The following JAGN1 variants were observed in gnomAD, a reference collection of about 807,000 sequenced individuals.
JAGN1 encodes the protein protein jagunal homolog 1.
A neutral mutation model predicts 17.1 loss-of-function variants in JAGN1; 13 were observed. The observed-to-expected ratio is 0.76, with a 90% CI of 0.49 to 1.21. JAGN1 has a LOEUF of 1.21. Ranked by LOEUF, JAGN1 falls within the 50% of genes most tolerant of loss-of-function variation. JAGN1 has a pLI of 0.00. For missense variants in JAGN1, 256 were observed against 234.2 expected, an observed-to-expected ratio of 1.09 and a Z score of -0.61; for synonymous variants, 111 against 91.0, an observed-to-expected ratio of 1.22 and a Z score of -1.25.
intron 1 of JAGN1, among the ~76,000 whole-genome samples, chr3:9,891,746 T>A (rs1174025885): frequency 6.6e-6 from 1 of 152,162 alleles, no homozygotes; most frequent in Non-Finnish European, 1.5e-5. Context: ...CCCTCACAAC[T>A]TAAGCAGGTG....
intron 1 of JAGN1, 83 bp downstream of exon 1, chr3:9,890,894 A>C: frequency 4.9e-6 from 6 of 1,230,146 alleles, no homozygotes; most frequent in Non-Finnish European, 5.7e-6. Flanking sequence ...GCCCGGCCTC[A>C]GGGTCTTGCT....
intron 1 of JAGN1, 109 bp downstream of exon 1, chr3:9,890,920 G>T: frequency 1.1e-6 from 1 of 938,894 alleles, no homozygotes. Context: ...GCCAGCCCCC[G>T]CTCACCTGCC....
intron 1 of JAGN1, among the ~76,000 whole-genome samples, chr3:9,892,458 A>AGCCACCTT (rs71052273): frequency 1.3e-5 from 2 of 151,046 alleles, no homozygotes; most frequent in African/African-American, 4.9e-5. Context: ...TAGAGTTGTG[A>AGCCACCTT]GCCCAGCCTC....
intron 1 of JAGN1, among the ~76,000 whole-genome samples, chr3:9,891,660 C>G (rs900492929): frequency 2.0e-5 from 3 of 152,116 alleles, no homozygotes; most frequent in Admixed American, 6.6e-5. Context: ...TCACATCTCT[C>G]TCTCCAGAGT....
chr3:9,890,667 G>C lies in JAGN1; in HGVS notation c.-56G>C. On this transcript the variant is annotated 5_prime_UTR_variant, in exon 1 of 2. Transcript: ENST00000647897. ...AAATAGGGTCAGTGGGCCGCTTGGC[G>C]GTGTCGTTGCGGTACCAGGTCCGCG... 6.6e-7 allele frequency: 1 copy of C among 1,518,096 alleles called. No homozygotes were observed. Among genetic ancestry groups the C allele is most frequent in the Non-Finnish European group, 9.0e-7 (1 of 1,114,722 alleles). The allele number at this position is 1,518,096 out of a possible 1,614,324, so 94.0% of individuals were successfully genotyped here. A position where few individuals can be genotyped will look rare whatever the true frequency, so the allele number is the denominator to read the frequency against.
chr3:9,892,898 T>C lies in JAGN1; in HGVS notation c.90-17T>C, dbSNP rs537497964. 1.3e-6 allele frequency: 2 copies of C among 1,562,414 alleles called. 1 individual carries two copies. The highest frequency in any genetic ancestry group is 3.4e-5 in the Admixed American group (2 of 59,034). On this transcript the variant is annotated splice_polypyrimidine_tract_variant and intron_variant, in intron 1 of 1. Transcript: ENST00000647897. ...GAAAAATTTGAAAGATACTTCTCCCTCTGCTCTGCCCCACAGTGTGACTCT... is the reference window on the plus strand; with the variant it reads ...GAAAAATTTGAAAGATACTTCTCCCCCTGCTCTGCCCCACAGTGTGACTCT...
In JAGN1 at chr3:9,893,410, C is replaced by T. The variant is rs79555969; in HGVS notation, c.*33C>T. ...TTGGGGTGAAGCCTGGACATCCCATCGAATGAAAGGACACTAGTACAGCGG... is the reference window on the plus strand; with the variant it reads ...TTGGGGTGAAGCCTGGACATCCCATTGAATGAAAGGACACTAGTACAGCGG... On this transcript the variant is annotated 3_prime_UTR_variant, in exon 2 of 2. Coordinates refer to ENST00000647897, the MANE Select transcript of JAGN1 (RefSeq NM_032492.4). The T allele has an allele frequency of 0.031, 46,225 of 1,500,118 alleles. 790 individuals carry two copies. The highest frequency in any genetic ancestry group is 0.035 in the Non-Finnish European group (38,587 of 1,105,150). The allele number at this position is 1,500,118 out of a possible 1,614,324, so 92.9% of individuals were successfully genotyped here. A position where few individuals can be genotyped will look rare whatever the true frequency, so the allele number is the denominator to read the frequency against.
intron 1 of JAGN1, among the ~76,000 whole-genome samples, chr3:9,891,932 C>T (rs972834073): frequency 2.6e-5 from 4 of 152,192 alleles, no homozygotes; most frequent in African/African-American, 7.2e-5. Context: ...CCTTCTCCCG[C>T]CAGACTTTAA....
chr3:9,891,545 G>GT (rs201714103), intron 1 of JAGN1, among the ~76,000 whole-genome samples: 2,376 of 146,874 alleles, frequency 0.016, 37 homozygotes, highest in South Asian at 0.063. Flanking sequence ...AGAGATGACT[G>GT]TTTTTTTTTT....
At position 9,890,630 on chromosome 3, in the gene JAGN1, C is replaced by T; in HGVS notation, c.-93C>T. 2 of 1,205,042 alleles carry T rather than the reference C, an allele frequency of 1.7e-6. No individual in the cohort carries two copies. The highest frequency in any genetic ancestry group is 1.2e-6 in the Non-Finnish European group (1 of 854,922). 74.6% of individuals were successfully genotyped at this position (1,205,042 alleles called of 1,614,324 possible). A position where few individuals can be genotyped will look rare whatever the true frequency, so the allele number is the denominator to read the frequency against. ...AAGTTCTCTTCACGGAGCCGCGCGG[C>T]TGCGGGGGCGCAAATAGGGTCAGTG... On this transcript the variant is annotated 5_prime_UTR_variant, in exon 1 of 2. Coordinates refer to ENST00000647897, the MANE Select transcript of JAGN1 (RefSeq NM_032492.4).
chr3:9,893,199 C>T lies in JAGN1; in HGVS notation c.374C>T (p.Ala125Val). ...TATGGCAGCATGGAGATGTTCCCTG[C>T]TGCACAGCAGCTCTACCGCCATGGC... ...LIYGSMEMFP[A>V]AQQLYRHGKA... Residue 125 changes from alanine to valine, a missense_variant, in exon 2 of 2, where the codon GCT becomes GTT. By Grantham distance (64) the Ala-to-Val change is moderately conservative. Transcript: ENST00000647897. The T allele has an allele frequency of 6.2e-7, 1 of 1,614,226 alleles. No individual in the cohort carries two copies. The highest frequency in any genetic ancestry group is 8.5e-7 in the Non-Finnish European group (1 of 1,180,034).
chr3:9,892,792 T>C, intron 1 of JAGN1, 123 bp from the exon 2 acceptor site: 1 of 641,384 alleles, frequency 1.6e-6, no homozygotes, highest in Non-Finnish European at 2.7e-6. Flanking sequence ...CCTCTGTTCT[T>C]TGTGTCCGGC....
Position 9,890,622 on chromosome 3 carries a change from C to G in JAGN1, c.-101C>G, listed in dbSNP as rs1205613535. ...GGGGCCGGAAGTTCTCTTCACGGAGCCGCGCGGCTGCGGGGGCGCAAATAG... is the reference window on the plus strand; with the variant it reads ...GGGGCCGGAAGTTCTCTTCACGGAGGCGCGCGGCTGCGGGGGCGCAAATAG... On this transcript the variant is annotated 5_prime_UTR_variant, in exon 1 of 2. Transcript: ENST00000647897. The G allele has an allele frequency of 1.8e-6, 2 of 1,109,968 alleles. No homozygotes were observed. Among genetic ancestry groups the G allele is most frequent in the African/African-American group, 1.6e-5 (1 of 63,228 alleles). 68.8% of individuals were successfully genotyped at this position (1,109,968 alleles called of 1,614,324 possible).
intron 1 of JAGN1, among the ~76,000 whole-genome samples, chr3:9,892,344 G>GTT (rs1014442597): frequency 7.4e-5 from 11 of 147,918 alleles, no homozygotes; most frequent in African/African-American, 2.0e-4. Context: ...TATTGTTGTT[G>GTT]TTTTTTTTTT....
chr3:9,893,306 T>A lies in JAGN1; in HGVS notation c.481T>A (p.Trp161Arg), dbSNP rs2082575691. The change falls in exon 2 of 2, where the codon TGG becomes AGG. Residue 161 changes from tryptophan to arginine, a missense_variant. Coordinates refer to ENST00000647897, the MANE Select transcript of JAGN1 (RefSeq NM_032492.4). ...VLVLAVQVHAWQLYYSKKLLD... is the reference protein window; with the variant it reads ...VLVLAVQVHARQLYYSKKLLD... ...GGTGTTGGCAGTGCAAGTGCATGCC[T>A]GGCAGTTGTACTACAGCAAGAAGCT... 5 of 1,614,204 alleles carry A rather than the reference T, an allele frequency of 3.1e-6. No homozygotes were observed. The East Asian group carries it at 1.1e-4, about 36-fold the overall frequency.
At chr3:9,892,356 T>TA (rs71626944) in intron 1 of JAGN1, among the ~76,000 whole-genome samples, 5 of 151,464 alleles carry the variant, frequency 3.3e-5, no homozygotes, top group East Asian at 1.9e-4. Flanking sequence ...TTTTTTTTTT[T>TA]ATGGAGATGG....
intron 1 of JAGN1, among the ~76,000 whole-genome samples, chr3:9,891,213 A>T (rs2082560866): frequency 6.6e-6 from 1 of 152,222 alleles, no homozygotes. Flanking sequence ...CGTGTAAAGA[A>T]AGTAGCATAA....
chr3:9,893,207 C>T lies in JAGN1; in HGVS notation c.382C>T (p.Gln128Ter). The T allele has an allele frequency of 1.2e-6, 2 of 1,614,232 alleles. No individual in the cohort carries two copies. The highest frequency in any genetic ancestry group is 1.7e-6 in the Non-Finnish European group (2 of 1,180,038). Residue 128 changes from glutamine to a stop codon, truncating the protein, a stop_gained, in exon 2 of 2, where the codon CAG (glutamine) becomes TAG (stop). Transcript: ENST00000647897. LOFTEE classifies it high-confidence loss of function. Reference protein sequence around the residue: ...GSMEMFPAAQQLYRHGKAYRF... With the variant: ...GSMEMFPAAQ ...CATGGAGATGTTCCCTGCTGCACAG[C>T]AGCTCTACCGCCATGGCAAGGCCTA...
chr3:9,892,856 C>T (rs2082571892), intron 1 of JAGN1, 59 bp from the exon 2 acceptor site: 9 of 1,116,634 alleles, frequency 8.1e-6, no homozygotes, highest in Non-Finnish European at 9.3e-6. Flanking sequence ...AGTTGTCTGG[C>T]ATATAGTTGG....
Sources: gnomAD v4.1 joint callset for allele counts (sites outside exome capture counted in the v4.1 genomes callset) on GRCh38, gnomAD v4.1.1 for gene constraint, MANE v1.5 for transcripts, NCBI Gene and HGNC (gene_info 2026-07-23, HGNC 2026-07-21) for gene names.